Variants in RGS18 observed in about 807,000 individuals in gnomAD.
RGS18 encodes regulator of G-protein signaling 18.
In RGS18, 22 loss-of-function variants were observed where a neutral mutation model predicts 27.6. The ratio of observed to expected loss-of-function variants is 0.80; its 90% CI spans 0.57 to 1.14. The LOEUF is 1.14. Ranked by LOEUF, RGS18 falls within the 50% of genes most tolerant of loss-of-function variation. The pLI is 0.00. For missense variants in RGS18, 299 were observed against 269.6 expected (o/e 1.11, Z -0.76); for synonymous variants, 89 against 84.6 (o/e 1.05, Z -0.29).
intron 4 of RGS18, among the ~76,000 whole-genome samples, chr1:192,183,936 C>A (rs1358836556): frequency 1.3e-5 from 2 of 151,468 alleles, no homozygotes; most frequent in Admixed American, 1.3e-4. Context: ...AGAGGGGGAG[C>A]AGTTATCTCA....
At chr1:192,159,173 T>A in intron 1 of RGS18, 47 bp from the exon 2 acceptor site, 1 of 1,398,418 alleles carries the variant, frequency 7.2e-7, no homozygotes, top group Non-Finnish European at 1.0e-6. Context: ...AGGAGAGATT[T>A]TAACTGTCAT....
intron 4 of RGS18, among the ~76,000 whole-genome samples, chr1:192,183,966 A>G (rs1328148213): frequency 6.6e-6 from 1 of 151,712 alleles, no homozygotes; most frequent in East Asian, 2.0e-4. Flanking sequence ...AGCAGGCTCA[A>G]AAGAGAGAGA....
intron 3 of RGS18, among the ~76,000 whole-genome samples, chr1:192,179,340 G>A (rs1014356912): frequency 3.3e-5 from 5 of 151,500 alleles, no homozygotes; most frequent in East Asian, 1.9e-4. Flanking sequence ...CAACTCAAAT[G>A]TGATTTATTC....
At chr1:192,165,448 C>T (rs1445875084) in intron 3 of RGS18, among the ~76,000 whole-genome samples, 1 of 152,192 alleles carries the variant, frequency 6.6e-6, no homozygotes, top group Admixed American at 6.5e-5. Context: ...CTGTGACCCA[C>T]ACTGTGTTCG....
Position 192,181,450 on chromosome 1 carries a change from C to A in RGS18, c.442C>A (p.Pro148Thr). 1.3e-6 allele frequency: 2 copies of A among 1,539,288 alleles called. No individual in the cohort carries two copies. Among genetic ancestry groups the A allele is most frequent in the South Asian group, 2.7e-5 (2 of 75,250 alleles). ...IYEKFIQTDA[P>T]KEVNLDFHTK... ...TGAGAAATTTATACAGACTGATGCC[C>A]CAAAAGAGGTACAGTAAAGATAACT... Residue 148 changes from proline (P) to threonine (T), a missense_variant, in exon 4 of 5, where the codon CCA (proline) becomes ACA (threonine). Transcript: ENST00000367460.
chr1:192,163,977 A>C (rs1171986755), intron 3 of RGS18, among the ~76,000 whole-genome samples: 2 of 151,980 alleles, frequency 1.3e-5, no homozygotes, highest in Non-Finnish European at 2.9e-5. Flanking sequence ...AAAATTTTAT[A>C]AAATGCATAC....
At chr1:192,170,049 T>C (rs1382978567) in intron 3 of RGS18, among the ~76,000 whole-genome samples, 3 of 152,202 alleles carry the variant, frequency 2.0e-5, no homozygotes, top group Non-Finnish European at 2.9e-5. Flanking sequence ...TTGTTTTAAG[T>C]AGTTCTGGGC....
Position 192,159,108 on chromosome 1 carries a change from G to A in RGS18, c.120-112G>A. 3 of 668,176 alleles carry A rather than the reference G, an allele frequency of 4.5e-6. No homozygotes were observed. In the South Asian group the frequency reaches 5.4e-5, roughly 12 times the overall value. 41.4% of individuals were successfully genotyped at this position (668,176 alleles called of 1,614,324 possible). A position where few individuals can be genotyped will look rare whatever the true frequency, so the allele number is the denominator to read the frequency against. On this transcript the variant is annotated intron_variant, in intron 1 of 4. Coordinates refer to ENST00000367460, the MANE Select transcript of RGS18 (RefSeq NM_130782.3). The stretch of plus-strand genomic sequence containing the variant: ...ATATTTAAATGGGATTCATGAGTGT[G>A]TGGGTATGGGTGGGCGTGGGTTTTT...
chr1:192,164,941 T>C (rs1185559465), intron 3 of RGS18, among the ~76,000 whole-genome samples: 1 of 152,102 alleles, frequency 6.6e-6, no homozygotes, highest in Non-Finnish European at 1.5e-5. Flanking sequence ...CTGGGCACCC[T>C]GAAAAAGAAC....
Position 192,184,766 on chromosome 1 carries a change from T to G in RGS18, c.*212T>G. The G allele has an allele frequency of 2.2e-6, 1 of 451,226 alleles. No homozygotes were observed. The highest frequency in any genetic ancestry group is 3.9e-6 in the Non-Finnish European group (1 of 255,654). 28.0% of individuals were successfully genotyped at this position (451,226 alleles called of 1,614,324 possible). ...ACCTTCTATTTGATGTCATTCCATTTATAATCAGAAAAAAAACTTATTTCT... is the reference window on the plus strand; with the variant it reads ...ACCTTCTATTTGATGTCATTCCATTGATAATCAGAAAAAAAACTTATTTCT... On this transcript the variant is annotated 3_prime_UTR_variant, in exon 5 of 5. Coordinates refer to ENST00000367460, the MANE Select transcript of RGS18 (RefSeq NM_130782.3).
At chr1:192,161,927 T>C (rs559940488) in intron 3 of RGS18, among the ~76,000 whole-genome samples, 79 of 152,338 alleles carry the variant, frequency 5.2e-4, no homozygotes, top group African/African-American at 1.4e-3. Context: ...TTTCATGTTC[T>C]TCTGAATTTA....
At chr1:192,180,126 T>G (rs1323768323) in intron 3 of RGS18, among the ~76,000 whole-genome samples, 3 of 151,648 alleles carry the variant, frequency 2.0e-5, no homozygotes, top group Non-Finnish European at 1.5e-5. Context: ...GAAGTCACAT[T>G]GTCTTAAGGT....
chr1:192,174,845 A>G (rs955232051), intron 3 of RGS18, among the ~76,000 whole-genome samples: 1 of 151,836 alleles, frequency 6.6e-6, no homozygotes, highest in African/African-American at 2.4e-5. Flanking sequence ...ACCCAGTCAG[A>G]TAATCTCTGA....
intron 3 of RGS18, among the ~76,000 whole-genome samples, chr1:192,176,811 A>G (rs1327531102): frequency 2.0e-5 from 3 of 151,798 alleles, no homozygotes; most frequent in African/African-American, 7.2e-5. Context: ...AGTAAGGAAT[A>G]CATTATATGT....
At chr1:192,175,576 C>T (rs1025666881) in intron 3 of RGS18, among the ~76,000 whole-genome samples, 7 of 151,862 alleles carry the variant, frequency 4.6e-5, no homozygotes, top group Admixed American at 2.0e-4. Context: ...TCTTTGGTAT[C>T]TCTTCTACGG....
chr1:192,163,202 C>G (rs544551881), intron 3 of RGS18: 2 of 152,240 alleles, frequency 1.3e-5, no homozygotes, highest in Non-Finnish European at 2.9e-5. Context: ...TTGGACACTA[C>G]AGAAATGTCA....
At chr1:192,171,441 G>T (rs953274382) in intron 3 of RGS18, among the ~76,000 whole-genome samples, 5 of 152,026 alleles carry the variant, frequency 3.3e-5, no homozygotes, top group Non-Finnish European at 7.4e-5. Context: ...ACAATGCCTT[G>T]TCAAATTCTT....
chr1:192,158,880 G>GA, intron 1 of RGS18, 124 bp downstream of exon 1: 1 of 708,598 alleles, frequency 1.4e-6, no homozygotes, highest in Non-Finnish European at 2.3e-6. Context: ...CTATAATTTG[G>GA]GAAAAAAAAA....
chr1:192,171,942 G>A (rs754095534), intron 3 of RGS18, among the ~76,000 whole-genome samples: 6 of 152,048 alleles, frequency 3.9e-5, no homozygotes, highest in Non-Finnish European at 8.8e-5. Flanking sequence ...TAGAAGTCCA[G>A]TATGGGTTTG....
Sources: gnomAD v4.1 joint callset for allele counts (sites outside exome capture counted in the v4.1 genomes callset) on GRCh38, gnomAD v4.1.1 for gene constraint, MANE v1.5 for transcripts, NCBI Gene and HGNC (gene_info 2026-07-23, HGNC 2026-07-21) for gene names.